KRT72: variants seen among roughly 807,000 people sequenced by gnomAD.
KRT72 encodes the protein keratin, type II cytoskeletal 72.
Under a neutral mutation model 44.7 loss-of-function variants are expected in KRT72, and 44 were observed. The observed-to-expected ratio is 0.98, with a 90% confidence interval of 0.77 to 1.27. The LOEUF (loss-of-function observed/expected upper bound fraction) is 1.27, where lower values mean the gene tolerates loss of function less well. KRT72 is among the 50% of genes most tolerant of loss of function. KRT72 has a pLI of 0.00. For synonymous variants in KRT72, 302 were observed against 280.4 expected (o/e 1.08, Z -0.77); for missense variants, 736 against 667.1 (o/e 1.10, Z -1.14).
At position 52,587,636 on chromosome 12, in the gene KRT72, C is replaced by T; in HGVS notation, c.1305G>A (p.Glu435=). ...AAGGGTATCCGGCCCCTCACCTGCA[C>T]TCCTCGCTCTCCAGCAGCTTGCGGT... is the stretch of plus-strand genomic sequence containing the variant. The part of the protein sequence containing the change: ...ATYRKLLESE[E]CRMSGEYPNS... Residue 435 remains glutamate (E), a synonymous_variant, in exon 7 of 9, where the codon GAG becomes GAA. Transcript: ENST00000293745. The T allele has an allele frequency of 6.2e-7, 1 of 1,614,208 alleles. No individual in the cohort carries two copies. Among genetic ancestry groups the T allele is most frequent in the Non-Finnish European group, 8.5e-7 (1 of 1,180,032 alleles).
Position 52,587,839 on chromosome 12 carries a change from C to T in KRT72, c.1102G>A (p.Glu368Lys). 1 of 1,614,036 alleles carries T rather than the reference C, an allele frequency of 6.2e-7. No individual in the cohort carries two copies. The change falls in exon 7 of 9, where the codon GAG becomes AAG. Residue 368 changes from glutamate (E) to lysine (K), a missense_variant. Transcript: ENST00000293745. ...GNVKKQCADLETAIADAEQRG... is the reference protein window; with the variant it reads ...GNVKKQCADLKTAIADAEQRG... ...TGTTCAGCGTCGGCGATGGCCGTCT[C>T]CAGATCGGCACACTGAGGGGCAAAC...
upstream of KRT72, among the ~76,000 whole-genome samples, chr12:52,602,183 A>G (rs910713987): frequency 2.0e-5 from 3 of 152,186 alleles, no homozygotes; most frequent in Non-Finnish European, 4.4e-5. Context: ...GGGAGGGAAG[A>G]AGGCCTGGGG....
rs1410221924 is a variant in KRT72, at chr12:52,601,271, C to T, written c.182G>A (p.Ser61Asn). The change falls in exon 1 of 9, where the codon AGC (serine) becomes AAC (asparagine). Residue 61 changes from serine to asparagine, a missense_variant. Coordinates refer to ENST00000293745, the MANE Select transcript of KRT72 (RefSeq NM_080747.3). Reference protein sequence around the residue: ...CLGGSRSLALSAAARRGGGRL... With the variant: ...CLGGSRSLALNAAARRGGGRL... ...GCCGCCGCCCCGCCGTGCAGCAGCGCTGAGCGCCAGGCTTCGGCTGCCCCC... is the reference window on the plus strand; with the variant it reads ...GCCGCCGCCCCGCCGTGCAGCAGCGTTGAGCGCCAGGCTTCGGCTGCCCCC... The T allele has an allele frequency of 1.9e-6, 3 of 1,556,356 alleles. No homozygotes were observed. The Admixed American group carries it at 5.8e-5, about 30-fold the overall frequency.
At chr12:52,586,871 T>G in intron 8 of KRT72, 75 bp downstream of exon 8, 1 of 1,383,460 alleles carries the variant, frequency 7.2e-7, no homozygotes, top group Non-Finnish European at 1.0e-6. Flanking sequence ...GATTTCTCTT[T>G]TGTGTCATGA....
At chr12:52,599,662 C>T (rs694714) in intron 1 of KRT72, among the ~76,000 whole-genome samples, 121,234 of 152,082 alleles carry the variant, frequency 0.8, 49,160 homozygotes, top group African/African-American at 0.95. Context: ...ACCTATCTTT[C>T]AGCTTGAGGG....
intron 2 of KRT72, among the ~76,000 whole-genome samples, chr12:52,597,031 T>A (rs1490663675): frequency 6.6e-6 from 1 of 152,196 alleles, no homozygotes; most frequent in East Asian, 1.9e-4. Context: ...GCTTTTTAGA[T>A]GAAGGGTGAT....
intron 2 of KRT72, among the ~76,000 whole-genome samples, chr12:52,595,626 T>C (rs1940203544): frequency 6.6e-6 from 1 of 152,244 alleles, no homozygotes; most frequent in African/African-American, 2.4e-5. Flanking sequence ...CTCCAGAGTT[T>C]CAAAAATGTG....
At chr12:52,602,296 TA>T (rs1315738371), upstream of KRT72, among the ~76,000 whole-genome samples, 15 of 152,334 alleles carry the variant, frequency 9.8e-5, no homozygotes, top group Admixed American at 9.8e-4. Flanking sequence ...GAGGCTTATT[TA>T]TCCCATCCAG....
chr12:52,601,181 AC>A lies in KRT72; in HGVS notation c.271del (p.Val91CysfsTer42). On this transcript the variant is annotated frameshift_variant, in exon 1 of 9. Coordinates refer to ENST00000293745, the MANE Select transcript of KRT72 (RefSeq NM_080747.3). LOFTEE classifies it high-confidence loss of function. Reference protein sequence around the residue: ...SAGLGPKCPSVCPPGGIPQVT... With the variant: ...SAGLGPKCPSXCPPGGIPQVT... ...CTGAGGGATGCCCCCGGGTGGGCAC[AC>A]GGAGGGACACTTGGGCCCCAGCCCG... The A allele has an allele frequency of 6.2e-7, 1 of 1,613,086 alleles. No individual in the cohort carries two copies. The highest frequency in any genetic ancestry group is 1.3e-5 in the African/African-American group (1 of 74,984).
chr12:52,586,127 C>A lies in KRT72; in HGVS notation c.1391G>T (p.Ser464Ile). The change falls in exon 9 of 9, where the codon AGC becomes ATC. Residue 464 changes from serine (S) to isoleucine (I), a missense_variant. Transcript: ENST00000293745. ...TNAGAGGAGF[S>I]MGFGASSSYS... ...ACTGCTTGAGGCGCCAAAGCCCATG[C>A]TGAAGCCAGCCCCTCCTGCCCCAGC... is the stretch of plus-strand genomic sequence containing the variant. 2 of 1,614,158 alleles carry A rather than the reference C, an allele frequency of 1.2e-6. No individual in the cohort carries two copies. The highest frequency in any genetic ancestry group is 1.7e-6 in the Non-Finnish European group (2 of 1,180,010).
Position 52,591,585 on chromosome 12 carries a change from A to G in KRT72, c.842T>C (p.Val281Ala), listed in dbSNP as rs1204599978. Residue 281 changes from valine to alanine, a missense_variant, in exon 5 of 9, where the codon GTC becomes GCC. Coordinates refer to ENST00000293745, the MANE Select transcript of KRT72 (RefSeq NM_080747.3). ...IQSHISDTSI[V>A]LSMDNNRDLD... ...ATCCCGGTTGTTGTCCATTGACAGGACGATGGACGTGTCGCTGATGTGGGA... is the reference window on the plus strand; with the variant it reads ...ATCCCGGTTGTTGTCCATTGACAGGGCGATGGACGTGTCGCTGATGTGGGA... 3.1e-6 allele frequency: 5 copies of G among 1,613,776 alleles called. No homozygotes were observed. In the South Asian group the frequency reaches 5.5e-5, roughly 18 times the overall value.
intron 8 of KRT72, among the ~76,000 whole-genome samples, 156 bp from the exon 9 acceptor site, chr12:52,586,328 T>C (rs1228391082): frequency 6.6e-6 from 1 of 152,274 alleles, no homozygotes; most frequent in African/African-American, 2.4e-5. Flanking sequence ...TACTAAGAGA[T>C]TTTTATCAGC....
chr12:52,592,847 TG>T, intron 3 of KRT72, 44 bp downstream of exon 3: 1 of 1,546,108 alleles, frequency 6.5e-7, no homozygotes, highest in East Asian at 2.3e-5. Context: ...TTGTGCCAGG[TG>T]GTCAGGTCTA....
In KRT72 at chr12:52,590,802, A is replaced by C; in HGVS notation, c.1089+34T>G. 6.5e-7 allele frequency: 1 copy of C among 1,547,902 alleles called. No individual in the cohort carries two copies. The highest frequency in any genetic ancestry group is 8.8e-7 in the Non-Finnish European group (1 of 1,136,086). On this transcript the variant is annotated intron_variant, in intron 6 of 8. Transcript: ENST00000293745. ...GTCTGGCCCAGATTGTGACTCAATA[A>C]ATACTGTTAGTGGATTAATTTCATA...
chr12:52,599,007 C>G lies in KRT72; in HGVS notation c.532G>C (p.Gly178Arg), dbSNP rs1222741652. The G allele has an allele frequency of 1.9e-6, 3 of 1,613,922 alleles. No individual in the cohort carries two copies. Among genetic ancestry groups the G allele is most frequent in the Non-Finnish European group, 2.5e-6 (3 of 1,179,926 alleles). Residue 178 changes from glycine to arginine, a missense_variant, in exon 2 of 9, where the codon GGC becomes CGC. Gly to Arg is a moderately radical substitution (Grantham distance 125). Coordinates refer to ENST00000293745, the MANE Select transcript of KRT72 (RefSeq NM_080747.3). ...CRKNLEPIYE[G>R]YISNLQKQLE... Reference sequence around the variant, plus strand: ...TGCTTCTGCAGGTTGCTGATGTAGCCCTCATAAATGGGCTCCAGGTTCTTC... The same window carrying G: ...TGCTTCTGCAGGTTGCTGATGTAGCGCTCATAAATGGGCTCCAGGTTCTTC...
At chr12:52,600,065 C>A (rs1940364058) in intron 1 of KRT72, among the ~76,000 whole-genome samples, 1 of 152,162 alleles carries the variant, frequency 6.6e-6, no homozygotes, top group Admixed American at 6.5e-5. Context: ...TCACTGGGGT[C>A]ATTGCCTCAG....
At position 52,599,085 on chromosome 12, in the gene KRT72, C is replaced by A. The variant is rs1302983584; in HGVS notation, c.454G>T (p.Val152Leu). ...KVRFLEQQNQ[V>L]LETKWNLLQQ... ...AGGAGGTTCCACTTGGTCTCTAGCA[C>A]CTGATTCTGCTGCTCCAGGAACCGC... Residue 152 changes from valine (V) to leucine (L), a missense_variant, in exon 2 of 9, where the codon GTG becomes TTG. Coordinates refer to ENST00000293745, the MANE Select transcript of KRT72 (RefSeq NM_080747.3). The A allele has an allele frequency of 6.2e-7, 1 of 1,614,044 alleles. No homozygotes were observed. The highest frequency in any genetic ancestry group is 1.3e-5 in the African/African-American group (1 of 74,924).
chr12:52,593,386 T>C (rs1479752823), intron 2 of KRT72, among the ~76,000 whole-genome samples: 3 of 152,246 alleles, frequency 2.0e-5, no homozygotes, highest in Non-Finnish European at 4.4e-5. Flanking sequence ...GTTATACCTA[T>C]TTCTTATACA....
chr12:52,595,795 G>C (rs536840269), intron 2 of KRT72, among the ~76,000 whole-genome samples: 5 of 152,312 alleles, frequency 3.3e-5, no homozygotes, highest in Admixed American at 2.0e-4. Context: ...GACAGAATAA[G>C]TTGTATAAGC....
Sources: gnomAD v4.1 joint callset for allele counts (sites outside exome capture counted in the v4.1 genomes callset) on GRCh38, gnomAD v4.1.1 for gene constraint, MANE v1.5 for transcripts, NCBI Gene and HGNC (gene_info 2026-07-23, HGNC 2026-07-21) for gene names.